The following ARHGAP10 variants were observed in gnomAD, a reference collection of about 807,000 sequenced individuals.
ARHGAP10 encodes rho GTPase-activating protein 10.
A neutral mutation model predicts 108.6 loss-of-function variants in ARHGAP10; 87 were observed. That is an observed-to-expected ratio of 0.80 (90% confidence interval 0.67 to 0.96). The LOEUF (loss-of-function observed/expected upper bound fraction) is 0.96, where lower values mean the gene tolerates loss of function less well. Ranked by LOEUF, ARHGAP10 falls within the 40% of genes least tolerant of loss-of-function variation. ARHGAP10 has a pLI of 0.00. For synonymous variants in ARHGAP10, 347 were observed against 341.1 expected, an observed-to-expected ratio of 1.02 and a Z score of -0.19; for missense variants, 939 against 954.5, an observed-to-expected ratio of 0.98 and a Z score of 0.21.
intron 14 of ARHGAP10, among the ~76,000 whole-genome samples, chr4:147,942,632 C>T (rs1209829757): frequency 6.6e-6 from 1 of 152,088 alleles, no homozygotes; most frequent in Admixed American, 6.6e-5. Flanking sequence ...TTTATTCTCT[C>T]CCCCTTCTTT....
intron 1 of ARHGAP10, among the ~76,000 whole-genome samples, chr4:147,803,102 G>T (rs779856873): frequency 6.6e-6 from 1 of 151,956 alleles, no homozygotes; most frequent in Non-Finnish European, 1.5e-5. Context: ...TCTGCCTCCT[G>T]GGTTCAAGCG....
chr4:147,932,799 C>G (rs1737757393), intron 13 of ARHGAP10, among the ~76,000 whole-genome samples: 1 of 151,984 alleles, frequency 6.6e-6, no homozygotes, highest in Non-Finnish European at 1.5e-5. Context: ...TACCTCTGAA[C>G]TTAAAAGTTG....
chr4:147,967,503 A>C (rs879708296), intron 18 of ARHGAP10, among the ~76,000 whole-genome samples: 7 of 152,354 alleles, frequency 4.6e-5, no homozygotes, highest in Non-Finnish European at 8.8e-5. Flanking sequence ...GGGTTGACCC[A>C]GGTGATCCAT....
intron 22 of ARHGAP10, 143 bp downstream of exon 22, chr4:148,064,650 G>T (rs557559715): frequency 2.8e-6 from 2 of 709,118 alleles, no homozygotes; most frequent in Admixed American, 3.1e-5. Flanking sequence ...AAGCGGCTGC[G>T]TTAGGCTCCC....
At chr4:147,865,056 A>G in intron 6 of ARHGAP10, 100 bp downstream of exon 6, 1 of 1,012,844 alleles carries the variant, frequency 9.9e-7, no homozygotes, top group Non-Finnish European at 1.5e-6. Flanking sequence ...TAGAGGCCAT[A>G]GTGCATAAAC....
Position 147,768,495 on chromosome 4 carries a change from C to A in ARHGAP10, c.154+36040C>A, listed in dbSNP as rs185999440. On this transcript the variant is annotated intron_variant, in intron 1 of 22. Coordinates refer to ENST00000336498, the MANE Select transcript of ARHGAP10 (RefSeq NM_024605.4). ...TTCCTTGCCCCATCACAGTGGTCTC[C>A]CTAATTAAAAAAAAAAAGTAATTAA... Among the ~76,000 whole-genome samples, 561 of 150,972 alleles carry A rather than the reference C, an allele frequency of 3.7e-3. 5 individuals are homozygous for A. The highest frequency in any genetic ancestry group is 0.013 in the African/African-American group (525 of 41,102).
Position 147,881,916 on chromosome 4 carries a change from A to C in ARHGAP10, c.1018A>C (p.Ile340Leu). ...CATTGACAGAAGGTTTTGTTTTGAC[A>C]TAGAAGCTGCTGATCGGTAAGTTAT... The part of the protein sequence containing the change: ...DSIDRRFCFD[I>L]EAADRPGVSL... Residue 340 changes from isoleucine to leucine, a missense_variant, in exon 10 of 23, where the codon ATA becomes CTA. Coordinates refer to ENST00000336498, the MANE Select transcript of ARHGAP10 (RefSeq NM_024605.4). 1 of 1,614,108 alleles carries C rather than the reference A, an allele frequency of 6.2e-7. No homozygotes were observed. The highest frequency in any genetic ancestry group is 1.1e-5 in the South Asian group (1 of 91,062).
Position 147,864,896 on chromosome 4 carries a change from C to A in ARHGAP10, c.537C>A (p.Leu179=). ...GGCAACACTTCTATGAACTGTCTCT[C>A]GAGTATGTGTGTAAGCTGCAGGAAA... is the stretch of plus-strand genomic sequence containing the variant. The part of the protein sequence containing the change: ...QNRQHFYELS[L]EYVCKLQEIQ... Residue 179 remains leucine (L), a synonymous_variant, in exon 6 of 23, where the codon CTC becomes CTA. Transcript: ENST00000336498. The A allele has an allele frequency of 6.2e-7, 1 of 1,613,964 alleles. No homozygotes were observed. Among genetic ancestry groups the A allele is most frequent in the South Asian group, 1.1e-5 (1 of 91,056 alleles).
intron 1 of ARHGAP10, among the ~76,000 whole-genome samples, chr4:147,753,680 G>T (rs1244909122): frequency 6.6e-6 from 1 of 152,128 alleles, no homozygotes; most frequent in African/African-American, 2.4e-5. Flanking sequence ...ATGTTTGTTT[G>T]CAGTGAACAA....
chr4:147,798,003 C>T (rs1450855274), intron 1 of ARHGAP10, among the ~76,000 whole-genome samples: 5 of 152,066 alleles, frequency 3.3e-5, no homozygotes, highest in South Asian at 2.1e-4. Context: ...CTGATTAGAT[C>T]GAGGACCAAG....
chr4:148,071,898 C>T, intron 22 of ARHGAP10, 95 bp from the exon 23 acceptor site: 2 of 1,029,086 alleles, frequency 1.9e-6, no homozygotes, highest in East Asian at 4.8e-5. Context: ...CCCCTGTTCT[C>T]TACTGGCCAC....
At chr4:147,771,858 C>T (rs903951904) in intron 1 of ARHGAP10, among the ~76,000 whole-genome samples, 2 of 152,114 alleles carry the variant, frequency 1.3e-5, no homozygotes, top group Admixed American at 6.5e-5. Context: ...GTGGTGCTAT[C>T]TCGGCTCACT....
chr4:147,846,091 G>A (rs1357301842), intron 3 of ARHGAP10, among the ~76,000 whole-genome samples: 1 of 152,164 alleles, frequency 6.6e-6, no homozygotes, highest in Non-Finnish European at 1.5e-5. Flanking sequence ...GTGGGAGTGA[G>A]GGGAATCCAG....
At chr4:147,898,131 A>C (rs1264564428) in intron 10 of ARHGAP10, among the ~76,000 whole-genome samples, 1 of 152,126 alleles carries the variant, frequency 6.6e-6, no homozygotes, top group Non-Finnish European at 1.5e-5. Flanking sequence ...TCTTTTCTGC[A>C]AAACTGGGTT....
intron 22 of ARHGAP10, 144 bp from the exon 23 acceptor site, chr4:148,071,849 C>A: frequency 1.6e-6 from 1 of 643,938 alleles, no homozygotes; most frequent in Non-Finnish European, 2.7e-6. Flanking sequence ...CTGTCAATGA[C>A]CCTGGTGCAG....
intron 12 of ARHGAP10, among the ~76,000 whole-genome samples, chr4:147,910,487 G>T (rs1736687578): frequency 6.6e-6 from 1 of 152,070 alleles, no homozygotes; most frequent in Non-Finnish European, 1.5e-5. Context: ...TTATATCGAG[G>T]CCCTGTTTCC....
intron 19 of ARHGAP10, among the ~76,000 whole-genome samples, chr4:148,043,889 T>G (rs577206558): frequency 1.3e-5 from 2 of 151,750 alleles, no homozygotes; most frequent in South Asian, 4.2e-4. Context: ...GATTTTTGGT[T>G]AACTAAAGTT....
At chr4:147,860,701 T>TATA (rs1734279292) in intron 5 of ARHGAP10, among the ~76,000 whole-genome samples, 1 of 152,226 alleles carries the variant, frequency 6.6e-6, no homozygotes, top group Non-Finnish European at 1.5e-5. Flanking sequence ...GATATTTCAG[T>TATA]ATAATAATAA....
intron 1 of ARHGAP10, among the ~76,000 whole-genome samples, chr4:147,763,456 C>A (rs1480961812): frequency 6.6e-6 from 1 of 151,872 alleles, no homozygotes; most frequent in Non-Finnish European, 1.5e-5. Flanking sequence ...GGACTATAGG[C>A]ATGTGCCACC....
Sources: gnomAD v4.1 joint callset for allele counts (sites outside exome capture counted in the v4.1 genomes callset) on GRCh38, gnomAD v4.1.1 for gene constraint, MANE v1.5 for transcripts, NCBI Gene and HGNC (gene_info 2026-07-23, HGNC 2026-07-21) for gene names.